The following SRGAP1 variants were observed in gnomAD, a reference collection of about 807,000 sequenced individuals.
SRGAP1 encodes SLIT-ROBO Rho GTPase activating protein 1, also known as SLIT-ROBO Rho GTPase-activating protein 1.
In SRGAP1, 43 loss-of-function variants were observed where a neutral mutation model predicts 121.9. The ratio of observed to expected loss-of-function variants is 0.35; its 90% CI spans 0.28 to 0.46. SRGAP1 has a LOEUF of 0.46. Ranked by LOEUF, SRGAP1 falls within the 20% of genes least tolerant of loss-of-function variation. The pLI is 1.00. For synonymous variants in SRGAP1, 447 were observed against 485.4 expected (o/e 0.92, Z 1.04); for missense variants, 1,102 against 1,350.9 (o/e 0.82, Z 2.89).
chr12:63,948,851 TC>T (rs1190776274), intron 1 of SRGAP1, among the ~76,000 whole-genome samples: 1 of 131,434 alleles, frequency 7.6e-6, no homozygotes, highest in East Asian at 2.1e-4. Flanking sequence ...ATATATATTT[TC>T]CATATATATA....
intron 4 of SRGAP1, among the ~76,000 whole-genome samples, chr12:64,022,715 T>A (rs1344155928): frequency 6.6e-6 from 1 of 152,204 alleles, no homozygotes; most frequent in Admixed American, 6.5e-5. Flanking sequence ...AGTTTTCTCA[T>A]CTGTAAAATG....
In SRGAP1 at chr12:64,084,399, A is replaced by G. The variant is rs566974126; in HGVS notation, c.1409-2600A>G. ...ATAATTAAGTAGCTTTCCAAAGAAA[A>G]TGATTGAAATCTAATCCTCAGACTG... On this transcript the variant is annotated intron_variant, in intron 10 of 21. Transcript: ENST00000355086. Among the ~76,000 whole-genome samples, 8 of 152,332 alleles carry G rather than the reference A, an allele frequency of 5.3e-5. No individual in the cohort carries two copies. The South Asian group carries it at 1.0e-3, about 20-fold the overall frequency.
At position 64,126,052 on chromosome 12, in the gene SRGAP1, G is replaced by T. The variant is rs2036682321; in HGVS notation, c.2300G>T (p.Gly767Val). Residue 767 changes from glycine (G) to valine (V), a missense_variant, in exon 19 of 22, where the codon GGT becomes GTT. Transcript: ENST00000355086. Reference protein sequence around the residue: ...RSARELSFKKGASLLLYHRAS... With the variant: ...RSARELSFKKVASLLLYHRAS... ...GCCAGAGAACTATCCTTCAAGAAGG[G>T]TGCCTCCCTGCTGCTGTATCACCGT... The T allele has an allele frequency of 6.2e-7, 1 of 1,614,082 alleles. No homozygotes were observed. The highest frequency in any genetic ancestry group is 1.3e-5 in the African/African-American group (1 of 74,930).
intron 3 of SRGAP1, among the ~76,000 whole-genome samples, chr12:63,995,159 A>G (rs746484529): frequency 6.6e-6 from 1 of 152,172 alleles, no homozygotes; most frequent in Non-Finnish European, 1.5e-5. Context: ...CATTTCCCCA[A>G]AGATTGTTTT....
intron 1 of SRGAP1, among the ~76,000 whole-genome samples, chr12:63,978,415 C>G (rs1248824037): frequency 6.6e-6 from 1 of 152,142 alleles, no homozygotes; most frequent in Non-Finnish European, 1.5e-5. Flanking sequence ...CTTTCTGTCT[C>G]TATAGATTAG....
intron 6 of SRGAP1, among the ~76,000 whole-genome samples, chr12:64,061,509 G>A (rs1438526030): frequency 6.6e-6 from 1 of 152,102 alleles, no homozygotes; most frequent in East Asian, 1.9e-4. Flanking sequence ...TTTGGTATTT[G>A]ATTTTGCCTC....
In SRGAP1 at chr12:64,073,046, G is replaced by A. The variant is rs140809327; in HGVS notation, c.1126-5873G>A. Among the ~76,000 whole-genome samples, 271 of 152,210 alleles carry A rather than the reference G, an allele frequency of 1.8e-3. 1 individual carries two copies. Among genetic ancestry groups the A allele is most frequent in the Admixed American group, 4.1e-3 (62 of 15,298 alleles). On this transcript the variant is annotated intron_variant, in intron 8 of 21. Transcript: ENST00000355086. Reference sequence around the variant, plus strand: ...CAACTGTGTTTTCCTGCTGCTGATGGGGAGGTACTTCAAGGCTCATATTAG... The same window carrying A: ...CAACTGTGTTTTCCTGCTGCTGATGAGGAGGTACTTCAAGGCTCATATTAG...
intron 1 of SRGAP1, among the ~76,000 whole-genome samples, chr12:63,912,325 A>G (rs1008419054): frequency 1.3e-5 from 2 of 152,100 alleles, no homozygotes; most frequent in African/African-American, 2.4e-5. Context: ...AGTCAGCACT[A>G]GGCTGGGCAC....
At chr12:63,967,182 T>C (rs1422430687) in intron 1 of SRGAP1, among the ~76,000 whole-genome samples, 1 of 152,236 alleles carries the variant, frequency 6.6e-6, no homozygotes, top group Non-Finnish European at 1.5e-5. Context: ...AGCTCATTCC[T>C]GTAATTCCCC....
intron 1 of SRGAP1, among the ~76,000 whole-genome samples, chr12:63,915,312 C>T (rs1174228247): frequency 6.6e-6 from 1 of 152,092 alleles, no homozygotes; most frequent in African/African-American, 2.4e-5. Flanking sequence ...GTAGGCAGGG[C>T]TAACTGCCAT....
chr12:64,087,002 A>G lies in SRGAP1; in HGVS notation c.1412A>G (p.His471Arg). The G allele has an allele frequency of 1.3e-6, 2 of 1,595,318 alleles. No homozygotes were observed. The highest frequency in any genetic ancestry group is 1.1e-5 in the South Asian group (1 of 88,010). ...DLLQRTLGEG[H>R]RAEYMTTRPP... ...ACTTTAAATTTTTTTCCTGCAGGTC[A>G]TAGAGCTGAATATATGACTACAAGG... Residue 471 changes from histidine (H) to arginine (R), a missense_variant, in exon 11 of 22, where the codon CAT (histidine) becomes CGT (arginine). Transcript: ENST00000355086.
At chr12:63,931,997 G>A (rs185629290) in intron 1 of SRGAP1, among the ~76,000 whole-genome samples, 141 of 152,322 alleles carry the variant, frequency 9.3e-4, no homozygotes, top group Non-Finnish European at 1.7e-3. Context: ...AGTCCAAAGA[G>A]TTTGGATAGA....
chr12:63,858,955 G>A (rs936489197), intron 1 of SRGAP1, among the ~76,000 whole-genome samples: 9 of 152,002 alleles, frequency 5.9e-5, no homozygotes, highest in East Asian at 3.9e-4. Context: ...CACCCGCCTC[G>A]GCCTCCCAAA....
chr12:63,885,955 T>G (rs1335875015), intron 1 of SRGAP1, among the ~76,000 whole-genome samples: 1 of 152,258 alleles, frequency 6.6e-6, no homozygotes, highest in Admixed American at 6.5e-5. Context: ...TCAAATGTCC[T>G]CATATCCGAA....
chr12:63,953,723 C>T (rs998209306), intron 1 of SRGAP1, among the ~76,000 whole-genome samples: 5 of 151,994 alleles, frequency 3.3e-5, no homozygotes, highest in East Asian at 1.9e-4. Context: ...ATTCCATCAT[C>T]TGGAAGAGTA....
intron 18 of SRGAP1, 116 bp from the exon 19 acceptor site, chr12:64,125,861 A>T: frequency 1.0e-6 from 1 of 963,922 alleles, no homozygotes; most frequent in Non-Finnish European, 1.5e-6. Flanking sequence ...GACTCTGTTC[A>T]GTCTAGATAT....
chr12:64,111,752 C>G lies in SRGAP1; in HGVS notation c.1920-10C>G, dbSNP rs747628644. ...TTCTTTTATAACTCCTTTCTTGTTT[C>G]CTTTTGTAGTCTATCACAGTACAGC... On this transcript the variant is annotated splice_polypyrimidine_tract_variant and intron_variant, in intron 16 of 21. Coordinates refer to ENST00000355086, the MANE Select transcript of SRGAP1 (RefSeq NM_020762.4). 6 of 1,547,818 alleles carry G rather than the reference C, an allele frequency of 3.9e-6. No individual in the cohort carries two copies. Among genetic ancestry groups the G allele is most frequent in the Non-Finnish European group, 5.3e-6 (6 of 1,139,782 alleles).
At chr12:64,111,675 A>T in intron 16 of SRGAP1, 87 bp from the exon 17 acceptor site, 1 of 1,131,846 alleles carries the variant, frequency 8.8e-7, no homozygotes, top group Non-Finnish European at 1.2e-6. Flanking sequence ...GTATCTTATT[A>T]AAGTATTGAA....
At chr12:63,892,014 A>T (rs1459333172) in intron 1 of SRGAP1, among the ~76,000 whole-genome samples, 1 of 151,926 alleles carries the variant, frequency 6.6e-6, no homozygotes, top group African/African-American at 2.4e-5. Context: ...AAAAGAAAAA[A>T]GAAAAGAGAT....
Sources: allele counts gnomAD v4.1 joint callset (sites outside exome capture counted in the v4.1 genomes callset), GRCh38; gene constraint gnomAD v4.1.1; transcripts MANE v1.5; gene names NCBI Gene and HGNC (gene_info 2026-07-23, HGNC 2026-07-21).